The following DLST variants were observed in gnomAD, a reference collection of about 807,000 sequenced individuals.
DLST encodes dihydrolipoamide S-succinyltransferase.
In DLST, 17 loss-of-function variants were observed where a neutral mutation model predicts 53.1. That is an observed-to-expected ratio of 0.32 (90% CI 0.22 to 0.48). The LOEUF is 0.48. DLST is among the 20% of genes least tolerant of loss of function. The pLI is 0.99. For synonymous variants in DLST, 206 were observed against 204.8 expected, an observed-to-expected ratio of 1.01 and a Z score of -0.05; for missense variants, 512 against 583.9, an observed-to-expected ratio of 0.88 and a Z score of 1.27.
chr14:74,902,517 C>A lies in DLST; in HGVS notation c.*187C>A. The A allele has an allele frequency of 1.8e-6, 1 of 545,274 alleles. No homozygotes were observed. The highest frequency in any genetic ancestry group is 3.1e-6 in the Non-Finnish European group (1 of 327,588). 33.8% of individuals were successfully genotyped at this position (545,274 alleles called of 1,614,324 possible). A position where few individuals can be genotyped will look rare whatever the true frequency, so the allele number is the denominator to read the frequency against. On this transcript the variant is annotated 3_prime_UTR_variant, in exon 15 of 15. Coordinates refer to ENST00000334220, the MANE Select transcript of DLST (RefSeq NM_001933.5). Reference sequence around the variant, plus strand: ...TCTTGGCGTTCCTGCCAGGCTCTCCCTCTCTGCACCTGTCTCATAGCCTCG... The same window carrying A: ...TCTTGGCGTTCCTGCCAGGCTCTCCATCTCTGCACCTGTCTCATAGCCTCG...
chr14:74,891,345 A>G, intron 7 of DLST, 178 bp downstream of exon 7: 1 of 1,382,202 alleles, frequency 7.2e-7, no homozygotes, highest in Non-Finnish European at 9.4e-7. Context: ...ATTCTAAAAG[A>G]AAAGTGTATT....
At chr14:74,891,757 C>T (rs564700917) in intron 7 of DLST, 9 of 984,914 alleles carry the variant, frequency 9.1e-6, no homozygotes, top group South Asian at 4.7e-5. Context: ...TTTTCCTAAG[C>T]GAGAATCGTA....
intron 3 of DLST, among the ~76,000 whole-genome samples, chr14:74,887,028 A>G (rs772328570): frequency 2.0e-5 from 3 of 152,148 alleles, no homozygotes; most frequent in Non-Finnish European, 2.9e-5. Flanking sequence ...AGCATGAGCC[A>G]CTGCCCGGCC....
intron 2 of DLST, 82 bp downstream of exon 2, chr14:74,882,706 T>A (rs905197515): frequency 7.8e-7 from 1 of 1,279,574 alleles, no homozygotes; most frequent in Admixed American, 1.8e-5. Context: ...TGCCTGTGTT[T>A]CTCATAATAT....
At chr14:74,893,036 T>C (rs1253337454) in intron 8 of DLST, 50 bp downstream of exon 8, 1 of 1,570,556 alleles carries the variant, frequency 6.4e-7, no homozygotes, top group African/African-American at 1.4e-5. Flanking sequence ...TCGTCTAATA[T>C]GTTCCTTCAA....
chr14:74,900,708 A>G (rs1317868520), intron 13 of DLST, among the ~76,000 whole-genome samples: 1 of 152,176 alleles, frequency 6.6e-6, no homozygotes, highest in Non-Finnish European at 1.5e-5. Flanking sequence ...ATCTCGATAC[A>G]AGCTTTCTGG....
intron 10 of DLST, among the ~76,000 whole-genome samples, chr14:74,897,673 G>A (rs1399239781): frequency 2.0e-5 from 3 of 152,200 alleles, no homozygotes; most frequent in Non-Finnish European, 4.4e-5. Flanking sequence ...TTGTATCTTG[G>A]TACCTGGCCC....
chr14:74,898,343 C>A, intron 10 of DLST, 26 bp from the exon 11 acceptor site: 2 of 1,604,248 alleles, frequency 1.2e-6, no homozygotes, highest in South Asian at 2.2e-5. Context: ...GCTTTGTGGT[C>A]AGTTTGTTTT....
At chr14:74,890,096 TAAAA>T in intron 6 of DLST, 144 bp downstream of exon 6, 1 of 434,758 alleles carries the variant, frequency 2.3e-6, no homozygotes. Flanking sequence ...TTGTTCAATT[TAAAA>T]AAAAAACAAC....
At position 74,889,081 on chromosome 14, in the gene DLST, T is replaced by C; in HGVS notation, c.147-14T>C. The stretch of plus-strand genomic sequence containing the variant: ...TCGCCTGTTAAAAGGAGTTAACGTG[T>C]GTTTCTTTTGTAGCATTAACAACAG... On this transcript the variant is annotated splice_polypyrimidine_tract_variant and intron_variant, in intron 3 of 14. Transcript: ENST00000334220. 6.2e-7 allele frequency: 1 copy of C among 1,613,954 alleles called. No homozygotes were observed. The highest frequency in any genetic ancestry group is 1.1e-5 in the South Asian group (1 of 91,080).
At chr14:74,891,215 G>T in intron 7 of DLST, 48 bp downstream of exon 7, 1 of 1,612,940 alleles carries the variant, frequency 6.2e-7, no homozygotes, top group Non-Finnish European at 8.5e-7. Flanking sequence ...TCCCTCTTGG[G>T]ATTGGGACTG....
chr14:74,885,793 C>T lies in DLST; in HGVS notation c.146+159C>T, dbSNP rs539744001. 9.3e-5 allele frequency: 61 copies of T among 656,820 alleles called. No homozygotes were observed. In the African/African-American group the frequency reaches 1.0e-3, roughly 11 times the overall value. 40.7% of individuals were successfully genotyped at this position (656,820 alleles called of 1,614,324 possible). A position where few individuals can be genotyped will look rare whatever the true frequency, so the allele number is the denominator to read the frequency against. ...GACTAACCTCAATGTTCACTTTTCCCATGTGATGTTCCTTGAGCATCAGCT... is the reference window on the plus strand; with the variant it reads ...GACTAACCTCAATGTTCACTTTTCCTATGTGATGTTCCTTGAGCATCAGCT... On this transcript the variant is annotated intron_variant, in intron 3 of 14. Coordinates refer to ENST00000334220, the MANE Select transcript of DLST (RefSeq NM_001933.5).
At chr14:74,888,965 C>T in intron 3 of DLST, 130 bp from the exon 4 acceptor site, 1 of 897,136 alleles carries the variant, frequency 1.1e-6, no homozygotes, top group Non-Finnish European at 1.8e-6. Context: ...AGTTCCTCCC[C>T]AAGTGACACT....
intron 14 of DLST, among the ~76,000 whole-genome samples, chr14:74,901,764 CCA>C (rs1334544452): frequency 2.0e-5 from 3 of 152,268 alleles, no homozygotes; most frequent in African/African-American, 7.2e-5. Context: ...CTGTGTGAAA[CCA>C]CAGTCTGTAG....
At position 74,903,227 on chromosome 14, in the gene DLST, G is replaced by A. The variant is rs1013058595; in HGVS notation, c.*897G>A. The A allele has an allele frequency of 1.3e-5, 2 of 152,748 alleles. No individual in the cohort carries two copies. The highest frequency in any genetic ancestry group is 4.8e-5 in the African/African-American group (2 of 41,450). 9.5% of individuals were successfully genotyped at this position (152,748 alleles called of 1,614,324 possible). ...GCCTGGTAGAGACTAGGGAAGGGAG[G>A]TCTCCTCTAGACTGACTCACATTGC... On this transcript the variant is annotated 3_prime_UTR_variant, in exon 15 of 15. Transcript: ENST00000334220.
rs1220546608 is a variant in DLST, at chr14:74,891,179, C to G, written c.442+12C>G. 2 of 1,614,010 alleles carry G rather than the reference C, an allele frequency of 1.2e-6. No homozygotes were observed. The highest frequency in any genetic ancestry group is 1.1e-5 in the South Asian group (1 of 91,070). On this transcript the variant is annotated intron_variant, in intron 7 of 14. Transcript: ENST00000334220. ...CAGGAAAACTGGTGGTAAAGAAGTT[C>G]TCCTGGTGGTCAAGGTCTCCAGTGT...
chr14:74,896,725 A>G (rs1743089788), intron 10 of DLST, among the ~76,000 whole-genome samples: 1 of 152,248 alleles, frequency 6.6e-6, no homozygotes, highest in Non-Finnish European at 1.5e-5. Context: ...TCAGTGCATT[A>G]GGGCCAAATT....
chr14:74,901,314 T>A, intron 14 of DLST, 81 bp downstream of exon 14: 1 of 1,364,622 alleles, frequency 7.3e-7, no homozygotes, highest in Non-Finnish European at 1.0e-6. Flanking sequence ...TGTAAAACAT[T>A]AACTATAATT....
At chr14:74,890,364 C>T (rs1206701434) in intron 6 of DLST, among the ~76,000 whole-genome samples, 1 of 151,924 alleles carries the variant, frequency 6.6e-6, no homozygotes, top group Non-Finnish European at 1.5e-5. Flanking sequence ...GTGATCTGCC[C>T]GCCTTGGCCT....
Sources: gnomAD v4.1 joint callset for allele counts (sites outside exome capture counted in the v4.1 genomes callset) on GRCh38, gnomAD v4.1.1 for gene constraint, MANE v1.5 for transcripts, NCBI Gene and HGNC (gene_info 2026-07-23, HGNC 2026-07-21) for gene names.